Variants in NRXN1 observed in about 807,000 individuals in gnomAD.
NRXN1 encodes the protein neurexin-1.
In NRXN1, 39 loss-of-function variants were observed where a neutral mutation model predicts 150.9. The observed-to-expected ratio is 0.26, with a 90% CI of 0.20 to 0.34. The LOEUF (loss-of-function observed/expected upper bound fraction) is 0.34, where lower values mean the gene tolerates loss of function less well. Ranked by LOEUF, NRXN1 falls within the 10% of genes least tolerant of loss-of-function variation. The probability of loss-of-function intolerance (pLI) is 1.00; values close to 1 mark genes in which losing one functional copy is unlikely to be tolerated. For missense variants in NRXN1, 1,815 were observed against 1,949.9 expected (o/e 0.93, Z 1.30); for synonymous variants, 924 against 757.0 (o/e 1.22, Z -3.62).
rs2078654599 is a variant in NRXN1 at position 50,354,558 on chromosome 2, T to TATATATATATATATATATAC, written c.3364+110883_3364+110884insGTATATATATATATATATAT. 2.6e-5 allele frequency among the ~76,000 whole-genome samples: 3 copies of TATATATATATATATATATAC among 116,780 alleles called. No homozygotes were observed. The South Asian group carries it at 8.0e-4, about 31-fold the overall frequency. The allele number at this position is 116,780 out of a possible 152,430, so 76.6% of individuals were successfully genotyped here. A position where few individuals can be genotyped will look rare whatever the true frequency, so the allele number is the denominator to read the frequency against. Reference sequence around the variant, plus strand: ...CCTTAGCGTCTAGAGTGCATACATATATATATATATATATATATATATATA... The same window carrying TATATATATATATATATATAC: ...CCTTAGCGTCTAGAGTGCATACATATATATATATATATATATATACATATATATATATATATATATATATA... On this transcript the variant is annotated intron_variant, in intron 17 of 22. Coordinates refer to ENST00000401669, the MANE Select transcript of NRXN1 (RefSeq NM_001330078.2).
chr2:50,030,650 C>A lies in NRXN1; in HGVS notation c.4128+22621G>T, dbSNP rs1391758879. On this transcript the variant is annotated intron_variant, in intron 21 of 22. Coordinates refer to ENST00000401669, the MANE Select transcript of NRXN1 (RefSeq NM_001330078.2). ...CTTGCCTGTGAAACTTTGTCTAGCA[C>A]ATTTTTCTTTACTTTGACAGGAAAC... Among the ~76,000 whole-genome samples, 3 of 152,078 alleles carry A rather than the reference C, an allele frequency of 2.0e-5. No homozygotes were observed. The South Asian group carries it at 6.2e-4, about 32-fold the overall frequency.
chr2:50,082,543 T>C (rs568600953), intron 19 of NRXN1, among the ~76,000 whole-genome samples: 1 of 152,238 alleles, frequency 6.6e-6, no homozygotes, highest in Non-Finnish European at 1.5e-5. Flanking sequence ...ATTTGATGGG[T>C]TGGTTTCTAA....
intron 18 of NRXN1, among the ~76,000 whole-genome samples, chr2:50,168,485 T>G (rs1036798500): frequency 6.6e-6 from 1 of 152,190 alleles, no homozygotes. Context: ...GAGTGGAAAT[T>G]TGAGTGAGAA....
rs561677566 is a variant in NRXN1, at chr2:50,657,109, T to C, written c.833-33494A>G. Among the ~76,000 whole-genome samples, 6 of 152,144 alleles carry C rather than the reference T, an allele frequency of 3.9e-5. No homozygotes were observed. In the South Asian group the frequency reaches 1.0e-3, roughly 26 times the overall value. Reference sequence around the variant, plus strand: ...AGAGTAAAAGCCAAAATCCTGAGGATAGCCCGTAACTCTATACAATCTGGT... The same window carrying C: ...AGAGTAAAAGCCAAAATCCTGAGGACAGCCCGTAACTCTATACAATCTGGT... On this transcript the variant is annotated intron_variant, in intron 5 of 22. Coordinates refer to ENST00000401669, the MANE Select transcript of NRXN1 (RefSeq NM_001330078.2).
At chr2:50,780,524 T>A (rs907661459) in intron 5 of NRXN1, among the ~76,000 whole-genome samples, 7 of 152,192 alleles carry the variant, frequency 4.6e-5, no homozygotes, top group Admixed American at 2.0e-4. Flanking sequence ...TTTAAATTAA[T>A]CATTATTTCA....
At chr2:50,779,702 A>C (rs1473369295) in intron 5 of NRXN1, among the ~76,000 whole-genome samples, 1 of 152,126 alleles carries the variant, frequency 6.6e-6, no homozygotes, top group Non-Finnish European at 1.5e-5. Context: ...TGGGAGGTGG[A>C]GCTTGCAGTG....
intron 17 of NRXN1, among the ~76,000 whole-genome samples, chr2:50,330,080 T>C (rs2076737718): frequency 2.0e-5 from 3 of 152,106 alleles, no homozygotes; most frequent in South Asian, 2.1e-4. Context: ...AATATTTATA[T>C]TATAGAAGGA....
intron 15 of NRXN1, 57 bp from the exon 16 acceptor site, chr2:50,472,528 A>C: frequency 7.2e-7 from 1 of 1,381,920 alleles, no homozygotes; most frequent in African/African-American, 1.5e-5. Context: ...CTTTAAACAC[A>C]CAGTAGGATG....
intron 18 of NRXN1, among the ~76,000 whole-genome samples, chr2:50,143,171 G>A (rs569953870): frequency 6.6e-6 from 1 of 151,132 alleles, no homozygotes; most frequent in African/African-American, 2.4e-5. Context: ...GGGAAGGAAG[G>A]AATGAAGAAA....
At chr2:50,886,001 C>T (rs1334497406) in intron 5 of NRXN1, among the ~76,000 whole-genome samples, 1 of 151,312 alleles carries the variant, frequency 6.6e-6, no homozygotes, top group African/African-American at 2.4e-5. Flanking sequence ...GTATAAAGAA[C>T]TCTGTAATTT....
At chr2:50,749,037 T>C (rs1031395622) in intron 5 of NRXN1, among the ~76,000 whole-genome samples, 5 of 152,122 alleles carry the variant, frequency 3.3e-5, no homozygotes, top group African/African-American at 1.2e-4. Flanking sequence ...GGTCTAAGAA[T>C]ATCATGTTTT....
intron 18 of NRXN1, among the ~76,000 whole-genome samples, chr2:50,213,508 TA>T (rs1230518308): frequency 6.6e-6 from 1 of 151,896 alleles, no homozygotes; most frequent in Non-Finnish European, 1.5e-5. Flanking sequence ...AATAGAATGA[TA>T]AGACTGTATA....
intron 5 of NRXN1, among the ~76,000 whole-genome samples, chr2:50,700,156 G>A (rs1251383178): frequency 6.6e-6 from 1 of 152,142 alleles, no homozygotes; most frequent in Non-Finnish European, 1.5e-5. Flanking sequence ...AAATTTTTGA[G>A]CAGTTAATTT....
In NRXN1 at chr2:50,865,580, A is replaced by ATGTGTGTGTGTGTGTGTGTGTGTGTGTG. The variant is rs112867077; in HGVS notation, c.832+56261_832+56288dup. Reference sequence around the variant, plus strand: ...TCTCTAAGTGGCTCCAAATATATAAATGTGTGTGTGTGTGTGTGTGTGTGT... The same window carrying ATGTGTGTGTGTGTGTGTGTGTGTGTGTG: ...TCTCTAAGTGGCTCCAAATATATAAATGTGTGTGTGTGTGTGTGTGTGTGTGTGTGTGTGTGTGTGTGTGTGTGTGTGT... On this transcript the variant is annotated intron_variant, in intron 5 of 22. Coordinates refer to ENST00000401669, the MANE Select transcript of NRXN1 (RefSeq NM_001330078.2). Among the ~76,000 whole-genome samples the ATGTGTGTGTGTGTGTGTGTGTGTGTGTG allele has an allele frequency of 6.9e-5, 9 of 130,774 alleles. No individual in the cohort carries two copies. In the East Asian group the frequency reaches 2.1e-3, roughly 30 times the overall value. The allele number at this position is 130,774 out of a possible 152,430, so 85.8% of individuals were successfully genotyped here.
At chr2:50,434,672 T>A (rs558774519) in intron 17 of NRXN1, among the ~76,000 whole-genome samples, 110 of 152,200 alleles carry the variant, frequency 7.2e-4, no homozygotes, top group African/African-American at 2.2e-3. Context: ...AACAATTTTT[T>A]AAAAAAAATT....
At chr2:50,953,370 T>G (rs1328810924) in intron 2 of NRXN1, among the ~76,000 whole-genome samples, 1 of 152,156 alleles carries the variant, frequency 6.6e-6, no homozygotes, top group African/African-American at 2.4e-5. Context: ...ATAAGTATAG[T>G]TCATTTTCAG....
At chr2:50,924,058 T>C (rs1686495647) in intron 3 of NRXN1, among the ~76,000 whole-genome samples, 1 of 151,836 alleles carries the variant, frequency 6.6e-6, no homozygotes, top group Non-Finnish European at 1.5e-5. Flanking sequence ...GATAGTGGCT[T>C]ATTTGTCCAG....
intron 13 of NRXN1, among the ~76,000 whole-genome samples, chr2:50,499,488 C>A (rs1365433956): frequency 6.6e-6 from 1 of 152,168 alleles, no homozygotes; most frequent in South Asian, 2.1e-4. Context: ...GACATCATTT[C>A]TATCTTCTCC....
chr2:50,242,418 T>C (rs1203129986), intron 17 of NRXN1, among the ~76,000 whole-genome samples: 1 of 151,790 alleles, frequency 6.6e-6, no homozygotes, highest in Admixed American at 6.6e-5. Flanking sequence ...CAATAACAAG[T>C]AAATACACTT....
Sources: allele counts gnomAD v4.1 joint callset (sites outside exome capture counted in the v4.1 genomes callset), GRCh38; gene constraint gnomAD v4.1.1; transcripts MANE v1.5; gene names NCBI Gene and HGNC (gene_info 2026-07-23, HGNC 2026-07-21).